The following CDH17 variants were observed in gnomAD, a reference collection of about 807,000 sequenced individuals.
CDH17 encodes cadherin 17.
A neutral mutation model predicts 86.3 loss-of-function variants in CDH17; 67 were observed. The observed-to-expected ratio is 0.78, with a 90% confidence interval of 0.64 to 0.95. CDH17 has a LOEUF of 0.95. Ranked by LOEUF, CDH17 falls within the 40% of genes least tolerant of loss-of-function variation. The pLI is 0.00. For missense variants in CDH17, 993 were observed against 1,017.6 expected (o/e 0.98, Z 0.33); for synonymous variants, 367 against 366.4 (o/e 1.00, Z -0.02).
At chr8:94,128,956 C>T (rs1318635510) in intron 17 of CDH17, among the ~76,000 whole-genome samples, 1 of 152,154 alleles carries the variant, frequency 6.6e-6, no homozygotes, top group African/African-American at 2.4e-5. Context: ...TGATTGTGTA[C>T]TGTCAGAGTC....
At chr8:94,189,446 C>T (rs112256731) in intron 2 of CDH17, among the ~76,000 whole-genome samples, 161 bp from the exon 3 acceptor site, 1 of 152,028 alleles carries the variant, frequency 6.6e-6, no homozygotes, top group Admixed American at 6.5e-5. Context: ...GAAGCTCTAC[C>T]ACGTCAAAGT....
intron 15 of CDH17, among the ~76,000 whole-genome samples, chr8:94,133,210 G>A (rs1563563115): frequency 6.6e-6 from 1 of 152,154 alleles, no homozygotes; most frequent in Admixed American, 6.5e-5. Flanking sequence ...GAAGGTCATT[G>A]GTAGCTTGAA....
At chr8:94,139,138 T>C (rs1284908743) in intron 15 of CDH17, among the ~76,000 whole-genome samples, 1 of 152,086 alleles carries the variant, frequency 6.6e-6, no homozygotes, top group Non-Finnish European at 1.5e-5. Context: ...GAAGTGTAGA[T>C]AGATACAGAA....
At chr8:94,196,051 C>T (rs989721210) in intron 1 of CDH17, among the ~76,000 whole-genome samples, 2 of 152,184 alleles carry the variant, frequency 1.3e-5, no homozygotes, top group Non-Finnish European at 2.9e-5. Flanking sequence ...TGAGCCACCA[C>T]ACCTGGCTGA....
chr8:94,128,111 A>C lies in CDH17; in HGVS notation c.*129T>G. On this transcript the variant is annotated 3_prime_UTR_variant, in exon 18 of 18. Transcript: ENST00000027335. ...CCACCTCAAAAAAGAAATATTTAGC[A>C]AATATTAAAGGACAAGAGGGAATAT... The C allele has an allele frequency of 1.5e-6, 1 of 657,204 alleles. No homozygotes were observed. Among genetic ancestry groups the C allele is most frequent in the Admixed American group, 2.7e-5 (1 of 36,926 alleles). 40.7% of individuals were successfully genotyped at this position (657,204 alleles called of 1,614,324 possible).
At chr8:94,213,608 ATC>A (rs10569469) in intron 1 of CDH17, among the ~76,000 whole-genome samples, 10,702 of 152,028 alleles carry the variant, frequency 0.07, 1,245 homozygotes, top group African/African-American at 0.24. Context: ...TCTGAGACCT[ATC>A]TCTGTCTCTT....
chr8:94,201,372 T>C (rs555478570), intron 1 of CDH17, among the ~76,000 whole-genome samples: 1 of 152,320 alleles, frequency 6.6e-6, no homozygotes, highest in East Asian at 1.9e-4. Flanking sequence ...AATGTGACTT[T>C]ATTTGGAGTC....
At chr8:94,159,009 C>G (rs1812997863) in intron 12 of CDH17, among the ~76,000 whole-genome samples, 1 of 152,198 alleles carries the variant, frequency 6.6e-6, no homozygotes. Context: ...GCCACCCTTG[C>G]AGATTCTCTC....
At chr8:94,206,368 A>G (rs986346741) in intron 1 of CDH17, among the ~76,000 whole-genome samples, 12 of 152,210 alleles carry the variant, frequency 7.9e-5, no homozygotes, top group Non-Finnish European at 1.5e-4. Context: ...TTACAGAACA[A>G]CTAGCCCCAT....
intron 5 of CDH17, 22 bp from the exon 6 acceptor site, chr8:94,174,282 G>GAAAAA: frequency 7.8e-7 from 1 of 1,275,728 alleles, no homozygotes; most frequent in Non-Finnish European, 1.0e-6. Context: ...GACGTACCCA[G>GAAAAA]AAAAAAAAAA....
At chr8:94,148,991 T>C (rs1563569752) in intron 13 of CDH17, 117 bp from the exon 14 acceptor site, 1 of 714,514 alleles carries the variant, frequency 1.4e-6, no homozygotes, top group Non-Finnish European at 2.2e-6. Context: ...GTAAATAATA[T>C]ACAAATGATA....
chr8:94,216,612 A>T (rs1430343714), intron 1 of CDH17, among the ~76,000 whole-genome samples: 1 of 151,018 alleles, frequency 6.6e-6, no homozygotes, highest in Non-Finnish European at 1.5e-5. Context: ...TGCTCTCCTA[A>T]GTATGAGAAA....
At chr8:94,198,877 A>ACAC (rs1199216076) in intron 1 of CDH17, among the ~76,000 whole-genome samples, 2 of 152,012 alleles carry the variant, frequency 1.3e-5, no homozygotes, top group East Asian at 3.9e-4. Context: ...GCAATGAACT[A>ACAC]CACCACTTCT....
intron 1 of CDH17, 128 bp from the exon 2 acceptor site, chr8:94,194,833 C>G (rs113407057): frequency 4.8e-6 from 3 of 619,056 alleles, no homozygotes; most frequent in Non-Finnish European, 8.6e-6. Flanking sequence ...AAAGGCCAGC[C>G]TCTCCTCTAT....
chr8:94,205,793 A>G (rs1331584852), intron 1 of CDH17, among the ~76,000 whole-genome samples: 1 of 152,146 alleles, frequency 6.6e-6, no homozygotes, highest in Non-Finnish European at 1.5e-5. Flanking sequence ...TGAACAACAC[A>G]ATCATATAAT....
chr8:94,187,330 G>A (rs1479342712), intron 3 of CDH17, among the ~76,000 whole-genome samples: 8 of 152,230 alleles, frequency 5.3e-5, no homozygotes, highest in Non-Finnish European at 4.4e-5. Context: ...AGAAGCTTCA[G>A]TGCATGTGTC....
At position 94,200,532 on chromosome 8, in the gene CDH17, CTTTTGT is replaced by C. The variant is rs1424281054; in HGVS notation, c.-20-5833_-20-5828del. On this transcript the variant is annotated intron_variant, in intron 1 of 17. Transcript: ENST00000027335. ...TAGATCAGAGGGTTATTATTATTAT[CTTTTGT>C]TTTTTTTTTTTTTTTTTTTTTTTTT... 6.4e-4 allele frequency among the ~76,000 whole-genome samples: 32 copies of C among 50,238 alleles called. 2 individuals carry two copies. Among genetic ancestry groups the C allele is most frequent in the African/African-American group, 1.7e-3 (22 of 12,800 alleles). 33.0% of individuals were successfully genotyped at this position (50,238 alleles called of 152,430 possible).
Position 94,131,876 on chromosome 8 carries a change from G to A in CDH17, c.2168-884C>T, listed in dbSNP as rs73697105. On this transcript the variant is annotated intron_variant, in intron 15 of 17. Coordinates refer to ENST00000027335, the MANE Select transcript of CDH17 (RefSeq NM_004063.4). ...TGGTGTGTGATGTTCCCCGCCCTGT[G>A]ACCAAGTGTTCTCATTGTTCAATTC... 6.2e-3 allele frequency among the ~76,000 whole-genome samples: 944 copies of A among 152,166 alleles called. 6 individuals carry two copies. Among genetic ancestry groups the A allele is most frequent in the African/African-American group, 0.021 (877 of 41,502 alleles).
chr8:94,157,681 C>T (rs1026282158), intron 12 of CDH17, among the ~76,000 whole-genome samples: 1 of 152,178 alleles, frequency 6.6e-6, no homozygotes, highest in Non-Finnish European at 1.5e-5. Flanking sequence ...ATTTGGGAGG[C>T]TGAGGCAGGT....
Sources: gnomAD v4.1 joint callset for allele counts (sites outside exome capture counted in the v4.1 genomes callset) on GRCh38, gnomAD v4.1.1 for gene constraint, MANE v1.5 for transcripts, NCBI Gene and HGNC (gene_info 2026-07-23, HGNC 2026-07-21) for gene names.